SYCP1: variants seen among roughly 807,000 people sequenced by gnomAD.
SYCP1 encodes the protein cancer/testis antigen 8.
Under a neutral mutation model 153.1 loss-of-function variants are expected in SYCP1, and 64 were observed. The ratio of observed to expected loss-of-function variants is 0.42; its 90% confidence interval spans 0.34 to 0.51. The LOEUF (loss-of-function observed/expected upper bound fraction) is 0.51. SYCP1 is among the 20% of genes least tolerant of loss of function. The pLI is 0.06. For missense variants in SYCP1, 997 were observed against 1,049.0 expected, an observed-to-expected ratio of 0.95 and a Z score of 0.68; for synonymous variants, 384 against 341.8, an observed-to-expected ratio of 1.12 and a Z score of -1.36.
intron 30 of SYCP1, among the ~76,000 whole-genome samples, chr1:114,992,396 T>G (rs2101989101): frequency 6.6e-6 from 1 of 151,808 alleles, no homozygotes; most frequent in Admixed American, 6.6e-5. Context: ...ACTTTGAAAC[T>G]TACTACAAAG....
intron 16 of SYCP1, 196 bp from the exon 17 acceptor site, chr1:114,910,201 C>A: frequency 2.6e-6 from 1 of 377,390 alleles, no homozygotes. Flanking sequence ...TTATTGTGTT[C>A]CAGGGCTGTG....
Position 114,856,784 on chromosome 1 carries a change from T to C in SYCP1, c.193+127T>C, listed in dbSNP as rs1663972690. 4 of 692,572 alleles carry C rather than the reference T, an allele frequency of 5.8e-6. No homozygotes were observed. The East Asian group carries it at 1.2e-4, about 21-fold the overall frequency. The allele number at this position is 692,572 out of a possible 1,614,324, so 42.9% of individuals were successfully genotyped here. Reference sequence around the variant, plus strand: ...TGACACAAAAGCTAGATATAATACTTAATATAAAAAATAAGGCTGGACACG... The same window carrying C: ...TGACACAAAAGCTAGATATAATACTCAATATAAAAAATAAGGCTGGACACG... On this transcript the variant is annotated intron_variant, in intron 3 of 31. Transcript: ENST00000369522.
At chr1:114,884,098 TG>T (rs1181739542) in intron 12 of SYCP1, among the ~76,000 whole-genome samples, 1 of 152,262 alleles carries the variant, frequency 6.6e-6, no homozygotes, top group African/African-American at 2.4e-5. Flanking sequence ...CACGTACTTC[TG>T]TTGCTTAACA....
At chr1:114,912,602 T>C (rs1423851615) in intron 18 of SYCP1, among the ~76,000 whole-genome samples, 1 of 152,012 alleles carries the variant, frequency 6.6e-6, no homozygotes, top group East Asian at 1.9e-4. Flanking sequence ...GTGCACAACG[T>C]GCAGGTAAAA....
In SYCP1 at chr1:114,855,520, A is replaced by C; in HGVS notation, c.56A>C (p.Gln19Pro). The change falls in exon 2 of 32, where the codon CAG becomes CCG. Residue 19 changes from glutamine to proline, a missense_variant. Gln to Pro is a moderately conservative substitution (Grantham distance 76). Around this residue, in one of 2 missense-constraint regions of SYCP1, gnomAD observed 285 missense variants for 366.1 expected, o/e 0.78. Transcript: ENST00000369522. ...GTACCACCGAGATCAAGCAGCAGTCAGGTGTCTGCGGTGAAACCTCAGACC... is the reference window on the plus strand; with the variant it reads ...GTACCACCGAGATCAAGCAGCAGTCCGGTGTCTGCGGTGAAACCTCAGACC... ...LFVPPRSSSS[Q>P]VSAVKPQTLG... 6.2e-7 allele frequency: 1 copy of C among 1,613,094 alleles called. No individual in the cohort carries two copies. Among genetic ancestry groups the C allele is most frequent in the Non-Finnish European group, 8.5e-7 (1 of 1,179,446 alleles).
Position 114,911,506 on chromosome 1 carries a change from T to C in SYCP1, c.1453T>C (p.Leu485=), listed in dbSNP as rs747506634. The C allele has an allele frequency of 3.9e-6, 6 of 1,557,748 alleles. No homozygotes were observed. The South Asian group carries it at 7.6e-5, about 20-fold the overall frequency. Reference sequence around the variant, plus strand: ...AGAAGTACATGATTTGGAAATACAGTTAACTGCCATTACCACAAGTGAACA... The same window carrying C: ...AGAAGTACATGATTTGGAAATACAGCTAACTGCCATTACCACAAGTGAACA... ...EKEVHDLEIQ[L]TAITTSEQYY... is the part of the protein sequence containing the mutation. The change falls in exon 18 of 32, where the codon TTA becomes CTA. Residue 485 remains leucine (L), a synonymous_variant. Coordinates refer to ENST00000369522, the MANE Select transcript of SYCP1 (RefSeq NM_003176.4).
intron 27 of SYCP1, among the ~76,000 whole-genome samples, chr1:114,956,440 G>C (rs1210555544): frequency 6.6e-6 from 1 of 152,158 alleles, no homozygotes; most frequent in Non-Finnish European, 1.5e-5. Flanking sequence ...GGAAACTATT[G>C]TCTGTGCAGG....
At position 114,856,690 on chromosome 1, in the gene SYCP1, TA is replaced by T. The variant is rs748719971; in HGVS notation, c.193+34del. Reference sequence around the variant, plus strand: ...CATGGAAAAGCAGTGTATCAGCTTATATAGAAACATTGTGTTACATACATCG... The same window carrying T: ...CATGGAAAAGCAGTGTATCAGCTTATTAGAAACATTGTGTTACATACATCG... On this transcript the variant is annotated intron_variant, in intron 3 of 31. Coordinates refer to ENST00000369522, the MANE Select transcript of SYCP1 (RefSeq NM_003176.4). 2.0e-6 allele frequency: 3 copies of T among 1,492,018 alleles called. No homozygotes were observed. The South Asian group carries it at 3.6e-5, about 18-fold the overall frequency. 92.4% of individuals were successfully genotyped at this position (1,492,018 alleles called of 1,614,324 possible). A position where few individuals can be genotyped will look rare whatever the true frequency, so the allele number is the denominator to read the frequency against.
intron 27 of SYCP1, among the ~76,000 whole-genome samples, chr1:114,967,241 G>A (rs1440115976): frequency 6.6e-6 from 1 of 152,102 alleles, no homozygotes; most frequent in Admixed American, 6.6e-5. Context: ...TTAATTTTCT[G>A]TCTCATTCTT....
chr1:114,987,781 A>G (rs1326367075), intron 30 of SYCP1, among the ~76,000 whole-genome samples: 2 of 152,142 alleles, frequency 1.3e-5, no homozygotes, highest in East Asian at 3.9e-4. Context: ...ATCCTTGAGG[A>G]AGCTCAGACA....
intron 30 of SYCP1, among the ~76,000 whole-genome samples, chr1:114,989,924 C>T (rs1673804432): frequency 6.6e-6 from 1 of 151,816 alleles, no homozygotes; most frequent in Admixed American, 6.6e-5. Flanking sequence ...TTCAGTAACC[C>T]ACTTTCAATA....
chr1:114,875,243 GGGTAGA>G (rs1463775598), intron 9 of SYCP1, among the ~76,000 whole-genome samples: 4 of 150,746 alleles, frequency 2.7e-5, no homozygotes, highest in African/African-American at 9.7e-5. Flanking sequence ...AGGTCCAGTA[GGGTAGA>G]GACTTTGTCT....
intron 26 of SYCP1, among the ~76,000 whole-genome samples, chr1:114,946,635 T>C (rs926473531): frequency 1.3e-5 from 2 of 152,156 alleles, no homozygotes; most frequent in African/African-American, 2.4e-5. Flanking sequence ...TGATTGAAAT[T>C]GGGAGAGGAG....
At chr1:114,912,976 A>G (rs889030705) in intron 18 of SYCP1, 57 bp from the exon 19 acceptor site, 25 of 1,237,862 alleles carry the variant, frequency 2.0e-5, no homozygotes, top group African/African-American at 3.1e-5. Context: ...ATAAAATTCC[A>G]TATTATGTCA....
intron 8 of SYCP1, among the ~76,000 whole-genome samples, chr1:114,866,787 A>T (rs1451038579): frequency 6.6e-6 from 1 of 151,276 alleles, no homozygotes; most frequent in Non-Finnish European, 1.5e-5. Context: ...GATACCCAAG[A>T]TCATCCAGGT....
At chr1:114,885,950 G>T (rs1666267443) in intron 13 of SYCP1, among the ~76,000 whole-genome samples, 175 bp from the exon 14 acceptor site, 3 of 152,118 alleles carry the variant, frequency 2.0e-5, no homozygotes, top group Non-Finnish European at 4.4e-5. Context: ...GTGGGATTTG[G>T]AGAACAGTGA....
chr1:114,885,727 G>A (rs1461427338), intron 13 of SYCP1, 98 bp downstream of exon 13: 2 of 671,710 alleles, frequency 3.0e-6, no homozygotes, highest in Admixed American at 7.6e-5. Flanking sequence ...AGGACCTGGA[G>A]TTTCAAATAG....
chr1:114,985,559 A>G (rs1445151704), intron 30 of SYCP1, among the ~76,000 whole-genome samples: 10 of 151,928 alleles, frequency 6.6e-5, no homozygotes, highest in Admixed American at 2.0e-4. Flanking sequence ...TCCCAGTTAA[A>G]TTCATTTGTT....
intron 21 of SYCP1, among the ~76,000 whole-genome samples, chr1:114,925,695 T>G (rs1050543458): frequency 1.3e-5 from 2 of 152,150 alleles, no homozygotes; most frequent in Non-Finnish European, 1.5e-5. Flanking sequence ...TCAGAATTAA[T>G]AAATGTTTGT....
Sources: gnomAD v4.1 joint callset for allele counts (sites outside exome capture counted in the v4.1 genomes callset) on GRCh38, gnomAD v4.1.1 for gene constraint, gnomAD v4.1.1 regional missense constraint, MANE v1.5 for transcripts, NCBI Gene and HGNC (gene_info 2026-07-23, HGNC 2026-07-21) for gene names.